The following SUGCT variants were observed in gnomAD, a reference collection of about 807,000 sequenced individuals.
SUGCT encodes the protein succinyl-CoA:glutarate CoA-transferase.
A neutral mutation model predicts 55.0 loss-of-function variants in SUGCT; 41 were observed. The ratio of observed to expected loss-of-function variants is 0.74; its 90% confidence interval spans 0.58 to 0.97. SUGCT has a LOEUF of 0.97. Ranked by LOEUF, SUGCT falls within the 50% of genes least tolerant of loss-of-function variation. The pLI, the probability that SUGCT is intolerant of heterozygous loss-of-function variation, is 0.00. For missense variants in SUGCT, 568 were observed against 547.8 expected (o/e 1.04, Z -0.37); for synonymous variants, 187 against 200.4 (o/e 0.93, Z 0.56).
At chr7:40,687,796 C>T (rs1784531837) in intron 12 of SUGCT, among the ~76,000 whole-genome samples, 1 of 152,158 alleles carries the variant, frequency 6.6e-6, no homozygotes, top group Non-Finnish European at 1.5e-5. Flanking sequence ...CTTCAGAAGA[C>T]TTATGGCAAG....
At chr7:40,918,528 A>G in the SUGCT span, among the ~76,000 whole-genome samples, 2 of 152,030 alleles carry the variant, frequency 1.3e-5, no homozygotes, top group African/African-American at 2.4e-5. Context: ...CCCCAAAGCT[A>G]TGATGATAAG....
chr7:40,605,758 G>A (rs561907170), intron 12 of SUGCT, among the ~76,000 whole-genome samples: 1 of 152,316 alleles, frequency 6.6e-6, no homozygotes, highest in South Asian at 2.1e-4. Flanking sequence ...CTGCAGGCTG[G>A]TGAGAGGTAA....
Position 40,812,751 on chromosome 7 carries a change from C to A in SUGCT, c.1154-47565C>A, listed in dbSNP as rs369954226. Among the ~76,000 whole-genome samples, 14 of 151,930 alleles carry A rather than the reference C, an allele frequency of 9.2e-5. No individual in the cohort carries two copies. In the East Asian group the frequency reaches 1.9e-3, roughly 21 times the overall value. On this transcript the variant is annotated intron_variant, in intron 13 of 13. Coordinates refer to ENST00000335693, the MANE Select transcript of SUGCT (RefSeq NM_001193313.2). ...TTCTGCCTTGATTTTAGTTATTTAT[C>A]TGCTAGATTAGGGGTTAGTTTGTTC...
intron 13 of SUGCT, among the ~76,000 whole-genome samples, chr7:40,858,304 G>A (rs1021851763): frequency 6.7e-6 from 1 of 149,926 alleles, no homozygotes; most frequent in Non-Finnish European, 1.5e-5. Flanking sequence ...TGGGGAGGCT[G>A]AGGCAGGAGA....
chr7:40,880,620 T>G, the SUGCT span, among the ~76,000 whole-genome samples: 2 of 152,228 alleles, frequency 1.3e-5, no homozygotes, highest in Non-Finnish European at 2.9e-5. Context: ...GCTACTATAT[T>G]TATTTTATAT....
At chr7:40,425,001 A>G (rs1352860310) in intron 9 of SUGCT, among the ~76,000 whole-genome samples, 1 of 152,178 alleles carries the variant, frequency 6.6e-6, no homozygotes, top group Non-Finnish European at 1.5e-5. Context: ...ATGTCTTTAT[A>G]AAATAGCATT....
At chr7:40,166,563 C>T (rs190699568) in intron 1 of SUGCT, among the ~76,000 whole-genome samples, 26 of 152,192 alleles carry the variant, frequency 1.7e-4, no homozygotes, top group South Asian at 6.2e-4. Context: ...AACCTTTATA[C>T]GCCCATTCAA....
At chr7:40,421,592 T>C (rs1583642608) in intron 9 of SUGCT, among the ~76,000 whole-genome samples, 2 of 152,302 alleles carry the variant, frequency 1.3e-5, no homozygotes, top group East Asian at 3.9e-4. Context: ...TCTGGAGGCA[T>C]AGTGGTGAGT....
intron 7 of SUGCT, among the ~76,000 whole-genome samples, chr7:40,249,313 C>CTATCTATATCTATATATCTATATATATA (rs1324264789): frequency 4.3e-4 from 34 of 79,496 alleles, no homozygotes; most frequent in Non-Finnish European, 6.4e-4. Context: ...CACCAAAAAG[C>CTATCTATATCTATATATCTATATATATA]TATATATATA....
chr7:40,911,880 A>G, the SUGCT span, among the ~76,000 whole-genome samples: 1 of 152,086 alleles, frequency 6.6e-6, no homozygotes, highest in South Asian at 2.1e-4. Context: ...CTCATGCAGG[A>G]GGGAGGGCAT....
chr7:40,322,817 A>G (rs1392975693), intron 9 of SUGCT, among the ~76,000 whole-genome samples: 1 of 151,934 alleles, frequency 6.6e-6, no homozygotes, highest in Non-Finnish European at 1.5e-5. Context: ...ACTAGGCATG[A>G]TGGCACAAGC....
intron 12 of SUGCT, among the ~76,000 whole-genome samples, chr7:40,616,758 G>A (rs1799022235): frequency 6.6e-6 from 1 of 152,180 alleles, no homozygotes; most frequent in African/African-American, 2.4e-5. Context: ...TTCAATAGAA[G>A]TGGGGTTCAG....
chr7:40,392,755 C>T (rs10951637), intron 9 of SUGCT, among the ~76,000 whole-genome samples: 20,251 of 152,080 alleles, frequency 0.13, 1,764 homozygotes, highest in East Asian at 0.48. Context: ...ATTTAATCTT[C>T]CATGTGAAAG....
chr7:40,558,703 C>T (rs372050035), intron 12 of SUGCT, among the ~76,000 whole-genome samples: 4 of 152,140 alleles, frequency 2.6e-5, no homozygotes, highest in Admixed American at 2.6e-4. Context: ...GATAACTGCA[C>T]AACATTGAGA....
intron 7 of SUGCT, among the ~76,000 whole-genome samples, chr7:40,240,505 C>T (rs1313808081): frequency 6.6e-6 from 1 of 151,772 alleles, no homozygotes; most frequent in Non-Finnish European, 1.5e-5. Context: ...AGAAAAGAAT[C>T]AGAAGAATCA....
chr7:40,694,770 C>T (rs965386932), intron 12 of SUGCT, among the ~76,000 whole-genome samples: 5 of 152,160 alleles, frequency 3.3e-5, no homozygotes, highest in African/African-American at 9.7e-5. Flanking sequence ...CAATTCTTGC[C>T]ATCAGTAGTC....
intron 1 of SUGCT, among the ~76,000 whole-genome samples, chr7:40,145,345 T>G (rs541666279): frequency 6.6e-6 from 1 of 152,206 alleles, no homozygotes; most frequent in Non-Finnish European, 1.5e-5. Context: ...CTTGCATAAA[T>G]TCCCTTTTAT....
chr7:40,560,668 TTG>T (rs1323488026), intron 12 of SUGCT, among the ~76,000 whole-genome samples: 1 of 152,204 alleles, frequency 6.6e-6, no homozygotes, highest in Non-Finnish European at 1.5e-5. Context: ...CTGTTTGGCT[TTG>T]TATTGAAAAT....
intron 12 of SUGCT, among the ~76,000 whole-genome samples, chr7:40,599,055 C>G (rs1046343334): frequency 6.6e-6 from 1 of 152,202 alleles, no homozygotes; most frequent in African/African-American, 2.4e-5. Flanking sequence ...CCACTTCCTT[C>G]TAAATGAAAT....
Sources: allele counts gnomAD v4.1 joint callset (sites outside exome capture counted in the v4.1 genomes callset), GRCh38; gene constraint gnomAD v4.1.1; transcripts MANE v1.5; gene names NCBI Gene and HGNC (gene_info 2026-07-23, HGNC 2026-07-21).